The following RYR3 variants were observed in gnomAD, a reference collection of about 807,000 sequenced individuals.
The protein encoded by RYR3 is brain ryanodine receptor-calcium release channel.
RYR3 carries 207 observed loss-of-function variants against 584.3 expected under a neutral mutation model. That is an observed-to-expected ratio of 0.35 (90% CI 0.32 to 0.40). RYR3 has a LOEUF of 0.40. Among genes scored for constraint, RYR3 ranks in the 10% least tolerant of loss-of-function variants. The probability of loss-of-function intolerance (pLI) is 1.00; values close to 1 mark genes in which losing one functional copy is unlikely to be tolerated. For missense variants in RYR3, 5,616 were observed against 6,089.2 expected (o/e 0.92, Z 2.59); for synonymous variants, 2,416 against 2,248.5 (o/e 1.07, Z -2.11).
At chr15:33,509,448 T>C (rs1420868509) in intron 3 of RYR3, among the ~76,000 whole-genome samples, 1 of 152,220 alleles carries the variant, frequency 6.6e-6, no homozygotes, top group South Asian at 2.1e-4. Flanking sequence ...AAATTGGTAA[T>C]AGAATTTATT....
At chr15:33,455,897 G>A (rs1049179748) in intron 1 of RYR3, among the ~76,000 whole-genome samples, 1 of 152,164 alleles carries the variant, frequency 6.6e-6, no homozygotes. Flanking sequence ...AAGTCCATCA[G>A]TACACAAGCA....
At chr15:33,861,305 T>C (rs1486895299) in intron 102 of RYR3, 127 bp downstream of exon 102, 3 of 613,502 alleles carry the variant, frequency 4.9e-6, no homozygotes, top group Non-Finnish European at 8.7e-6. Context: ...CCCATGAGCC[T>C]GTACCTTTGT....
intron 2 of RYR3, among the ~76,000 whole-genome samples, chr15:33,481,200 T>C (rs1174924176): frequency 6.6e-6 from 1 of 152,204 alleles, no homozygotes; most frequent in Admixed American, 6.5e-5. Flanking sequence ...ATTTATATCT[T>C]TATATTTAAA....
chr15:33,507,147 C>G (rs1438838975), intron 3 of RYR3, among the ~76,000 whole-genome samples: 1 of 152,194 alleles, frequency 6.6e-6, no homozygotes, highest in Non-Finnish European at 1.5e-5. Flanking sequence ...AGCTACTGGA[C>G]ATTTTTAAAA....
chr15:33,819,656 A>G lies in RYR3; in HGVS notation c.10707-100A>G, dbSNP rs573961446. 335 of 765,736 alleles carry G rather than the reference A, an allele frequency of 4.4e-4. 2 individuals carry two copies. In the African/African-American group the frequency reaches 6.0e-3, roughly 14 times the overall value. 47.4% of individuals were successfully genotyped at this position (765,736 alleles called of 1,614,324 possible). A position where few individuals can be genotyped will look rare whatever the true frequency, so the allele number is the denominator to read the frequency against. Reference sequence around the variant, plus strand: ...GTCATTGCACTCCAGCCTAGGGGACAAGAGAAAACTCTGTCTCAAAAATAA... The same window carrying G: ...GTCATTGCACTCCAGCCTAGGGGACGAGAGAAAACTCTGTCTCAAAAATAA... On this transcript the variant is annotated intron_variant, in intron 76 of 103. Transcript: ENST00000634891.
chr15:33,683,387 T>C (rs2064772755), intron 38 of RYR3, among the ~76,000 whole-genome samples: 1 of 152,164 alleles, frequency 6.6e-6, no homozygotes, highest in Admixed American at 6.5e-5. Flanking sequence ...AGAAATAAAA[T>C]CAGTATTTAG....
intron 1 of RYR3, among the ~76,000 whole-genome samples, chr15:33,313,616 T>C (rs1967665402): frequency 6.6e-6 from 1 of 152,200 alleles, no homozygotes; most frequent in African/African-American, 2.4e-5. Context: ...TCAGTTACCT[T>C]TGCCTTAGGC....
intron 36 of RYR3, 37 bp downstream of exon 36, chr15:33,663,774 GGAA>G: frequency 6.5e-7 from 1 of 1,544,542 alleles, no homozygotes; most frequent in African/African-American, 1.4e-5. Flanking sequence ...CAGTTCCTAT[GGAA>G]GAACTTGAGA....
intron 36 of RYR3, among the ~76,000 whole-genome samples, chr15:33,666,044 A>G (rs1473165284): frequency 6.6e-6 from 1 of 152,156 alleles, no homozygotes; most frequent in Non-Finnish European, 1.5e-5. Context: ...TCACTCTGTC[A>G]TGCAGGCTGG....
At chr15:33,540,055 C>T (rs776515154) in intron 6 of RYR3, among the ~76,000 whole-genome samples, 2 of 152,090 alleles carry the variant, frequency 1.3e-5, no homozygotes, top group African/African-American at 2.4e-5. Flanking sequence ...TCTGCTGCCA[C>T]GTGATCATGG....
chr15:33,680,369 G>A (rs2064498368), intron 38 of RYR3, among the ~76,000 whole-genome samples: 1 of 152,208 alleles, frequency 6.6e-6, no homozygotes, highest in South Asian at 2.1e-4. Context: ...TGACATCTGT[G>A]AGTTTAGCGA....
intron 12 of RYR3, among the ~76,000 whole-genome samples, chr15:33,570,087 A>G (rs970538043): frequency 3.3e-5 from 5 of 152,020 alleles, no homozygotes; most frequent in African/African-American, 1.2e-4. Context: ...ATTTTTGATT[A>G]AGTTCAGTTT....
chr15:33,824,106 T>G (rs2077252783), intron 81 of RYR3, among the ~76,000 whole-genome samples: 1 of 152,188 alleles, frequency 6.6e-6, no homozygotes, highest in Non-Finnish European at 1.5e-5. Flanking sequence ...GAAGCTAAAA[T>G]AGTACATATG....
chr15:33,652,998 A>T (rs974514417), intron 32 of RYR3, 115 bp downstream of exon 32: 4 of 1,056,064 alleles, frequency 3.8e-6, no homozygotes, highest in African/African-American at 3.2e-5. Context: ...TGATGAGCCC[A>T]TGTGGGCCAT....
intron 65 of RYR3, among the ~76,000 whole-genome samples, chr15:33,783,288 G>A (rs763138321): frequency 5.3e-5 from 8 of 152,172 alleles, no homozygotes; most frequent in Non-Finnish European, 1.2e-4. Context: ...ATTGCACTTT[G>A]AGAATTATTG....
intron 1 of RYR3, among the ~76,000 whole-genome samples, chr15:33,450,086 C>CCAAAA (rs1567262856): frequency 4.4e-5 from 1 of 22,852 alleles, no homozygotes; most frequent in Non-Finnish European, 6.8e-5. Flanking sequence ...GCATTAATAC[C>CCAAAA]TAAAAAAAAA....
intron 90 of RYR3, 190 bp from the exon 91 acceptor site, chr15:33,841,674 G>C (rs2078372451): frequency 1.8e-6 from 1 of 567,650 alleles, no homozygotes; most frequent in East Asian, 2.9e-5. Context: ...CCAAGATCAT[G>C]GCTCATCCTC....
At chr15:33,822,218 A>G (rs2077147205) in intron 80 of RYR3, among the ~76,000 whole-genome samples, 1 of 152,204 alleles carries the variant, frequency 6.6e-6, no homozygotes, top group Admixed American at 6.5e-5. Context: ...CAACAATCTG[A>G]ATTGGAACAG....
At chr15:33,858,407 A>G (rs774119301) in intron 99 of RYR3, among the ~76,000 whole-genome samples, 2 of 151,844 alleles carry the variant, frequency 1.3e-5, no homozygotes, top group Non-Finnish European at 2.9e-5. Context: ...GGGTTTCTCT[A>G]TGTTGGTCAG....
Sources: gnomAD v4.1 joint callset for allele counts (sites outside exome capture counted in the v4.1 genomes callset) on GRCh38, gnomAD v4.1.1 for gene constraint, MANE v1.5 for transcripts, NCBI Gene and HGNC (gene_info 2026-07-23, HGNC 2026-07-21) for gene names.